CAMK1D: variants seen among roughly 807,000 people sequenced by gnomAD.
CAMK1D encodes calcium/calmodulin dependent protein kinase ID.
Under a neutral mutation model 47.7 loss-of-function variants are expected in CAMK1D, and 9 were observed. The observed-to-expected ratio is 0.19, with a 90% CI of 0.11 to 0.33. The LOEUF (loss-of-function observed/expected upper bound fraction) is 0.33. CAMK1D is among the 10% of genes least tolerant of loss of function. The pLI is 1.00. For synonymous variants in CAMK1D, 184 were observed against 184.9 expected, an observed-to-expected ratio of 0.99 and a Z score of 0.04; for missense variants, 291 against 488.7, an observed-to-expected ratio of 0.60 and a Z score of 3.81.
intron 1 of CAMK1D, among the ~76,000 whole-genome samples, chr10:12,525,827 C>T (rs373049421): frequency 4.3e-4 from 66 of 152,192 alleles, no homozygotes; most frequent in African/African-American, 1.4e-3. Context: ...GCGTGATCTC[C>T]GCTCAGTACA....
intron 2 of CAMK1D, among the ~76,000 whole-genome samples, chr10:12,581,296 C>T (rs1364826994): frequency 6.6e-6 from 1 of 152,150 alleles, no homozygotes; most frequent in African/African-American, 2.4e-5. Flanking sequence ...GATTGATGGG[C>T]ATTTGAGCTG....
At chr10:12,373,851 G>T (rs1564299708) in intron 1 of CAMK1D, among the ~76,000 whole-genome samples, 1 of 150,478 alleles carries the variant, frequency 6.6e-6, no homozygotes, top group Non-Finnish European at 1.5e-5. Flanking sequence ...GAGGCAGGCG[G>T]ATCACTGGAG....
Position 12,549,293 on chromosome 10 carries a change from G to C in CAMK1D, c.93-3932G>C, listed in dbSNP as rs529602503. Reference sequence around the variant, plus strand: ...AATTTGATGACTTTGGACACCTCCTGTAAGTAGAATCATACGGTATTTGGC... The same window carrying C: ...AATTTGATGACTTTGGACACCTCCTCTAAGTAGAATCATACGGTATTTGGC... On this transcript the variant is annotated intron_variant, in intron 1 of 10. Coordinates refer to ENST00000619168, the MANE Select transcript of CAMK1D (RefSeq NM_153498.4). 6.6e-5 allele frequency among the ~76,000 whole-genome samples: 10 copies of C among 152,338 alleles called. No individual in the cohort carries two copies. In the South Asian group the frequency reaches 2.1e-3, roughly 32 times the overall value.
chr10:12,721,202 T>C (rs1193278774), intron 3 of CAMK1D, among the ~76,000 whole-genome samples: 3 of 152,258 alleles, frequency 2.0e-5, no homozygotes, highest in Non-Finnish European at 4.4e-5. Context: ...TTATATCCTG[T>C]CGTGGTTCCC....
At chr10:12,733,627 A>G (rs1042218608) in intron 3 of CAMK1D, among the ~76,000 whole-genome samples, 8 of 152,230 alleles carry the variant, frequency 5.3e-5, no homozygotes, top group African/African-American at 1.9e-4. Context: ...GTAGTGTTCT[A>G]GAAACATCAG....
chr10:12,506,664 G>T (rs575583065), intron 1 of CAMK1D, among the ~76,000 whole-genome samples: 1 of 152,152 alleles, frequency 6.6e-6, no homozygotes, highest in African/African-American at 2.4e-5. Context: ...GACTACAGGC[G>T]TCCGCCACCA....
intron 1 of CAMK1D, among the ~76,000 whole-genome samples, chr10:12,522,701 T>C (rs1835463219): frequency 1.3e-5 from 2 of 151,854 alleles, no homozygotes; most frequent in African/African-American, 2.4e-5. Flanking sequence ...CCGTTCTCAA[T>C]GAGCTGTTGG....
chr10:12,595,068 G>A (rs553578862), intron 2 of CAMK1D, among the ~76,000 whole-genome samples: 1 of 152,148 alleles, frequency 6.6e-6, no homozygotes, highest in South Asian at 2.1e-4. Flanking sequence ...GAGACCAGGT[G>A]TGGTGCCTCA....
intron 2 of CAMK1D, among the ~76,000 whole-genome samples, chr10:12,616,133 TG>T (rs1335149054): frequency 6.6e-6 from 1 of 151,970 alleles, no homozygotes; most frequent in East Asian, 1.9e-4. Flanking sequence ...TATATGTAGG[TG>T]TGTGTATAAA....
At chr10:12,635,787 T>TAA (rs45437992) in intron 2 of CAMK1D, among the ~76,000 whole-genome samples, 2 of 151,830 alleles carry the variant, frequency 1.3e-5, no homozygotes, top group African/African-American at 4.8e-5. Flanking sequence ...CCTTCCCTTC[T>TAA]AAAAAAAATG....
At chr10:12,460,628 C>T (rs1182441310) in intron 1 of CAMK1D, among the ~76,000 whole-genome samples, 1 of 152,162 alleles carries the variant, frequency 6.6e-6, no homozygotes, top group African/African-American at 2.4e-5. Flanking sequence ...TGGGGTCTCA[C>T]TTTGTTGACT....
chr10:12,509,341 C>T (rs1206846792), intron 1 of CAMK1D, among the ~76,000 whole-genome samples: 1 of 152,210 alleles, frequency 6.6e-6, no homozygotes, highest in Non-Finnish European at 1.5e-5. Flanking sequence ...CATCATTCCA[C>T]GAGCTGGTCT....
At chr10:12,439,465 T>G (rs1327824349) in intron 1 of CAMK1D, among the ~76,000 whole-genome samples, 2 of 152,192 alleles carry the variant, frequency 1.3e-5, no homozygotes, top group East Asian at 3.8e-4. Flanking sequence ...TGCATGTTAT[T>G]GTTTGCCTGC....
intron 3 of CAMK1D, among the ~76,000 whole-genome samples, chr10:12,670,343 G>C (rs1007442679): frequency 6.6e-6 from 1 of 151,956 alleles, no homozygotes; most frequent in African/African-American, 2.4e-5. Context: ...TGTCTGTTCA[G>C]ATCTTTCGCT....
At chr10:12,589,929 G>A (rs998304077) in intron 2 of CAMK1D, among the ~76,000 whole-genome samples, 13 of 152,128 alleles carry the variant, frequency 8.5e-5, no homozygotes, top group African/African-American at 3.1e-4. Context: ...ACCTGCTAGG[G>A]TAACTCTGAT....
Position 12,832,165 on chromosome 10 carries a change from T to G in CAMK1D, c.*3278T>G, listed in dbSNP as rs1185246526. 1 of 152,532 alleles carries G rather than the reference T, an allele frequency of 6.6e-6. No homozygotes were observed. Among genetic ancestry groups the G allele is most frequent in the East Asian group, 1.9e-4 (1 of 5,204 alleles). 9.4% of individuals were successfully genotyped at this position (152,532 alleles called of 1,614,324 possible). A position where few individuals can be genotyped will look rare whatever the true frequency, so the allele number is the denominator to read the frequency against. ...GGCCTGGAGTGGCCTTTCCCTCAGC[T>G]GCCTGTCTGGGCTCCCTGGCTTCCC... On this transcript the variant is annotated 3_prime_UTR_variant, in exon 11 of 11. Coordinates refer to ENST00000619168, the MANE Select transcript of CAMK1D (RefSeq NM_153498.4).
intron 8 of CAMK1D, among the ~76,000 whole-genome samples, chr10:12,819,057 T>C (rs1309791418): frequency 6.6e-6 from 1 of 152,200 alleles, no homozygotes. Flanking sequence ...CTAGTGCTTG[T>C]TGGTAATCCA....
intron 1 of CAMK1D, among the ~76,000 whole-genome samples, chr10:12,442,426 A>G (rs1832810050): frequency 6.6e-6 from 1 of 152,320 alleles, no homozygotes; most frequent in South Asian, 2.1e-4. Flanking sequence ...GCTTGCTCTG[A>G]GCTGAGATTG....
chr10:12,620,599 C>T (rs1357918390), intron 2 of CAMK1D, among the ~76,000 whole-genome samples: 1 of 152,202 alleles, frequency 6.6e-6, no homozygotes, highest in Non-Finnish European at 1.5e-5. Flanking sequence ...GTCTTTTGCT[C>T]ATGTTCTATC....
Sources: allele counts gnomAD v4.1 joint callset (sites outside exome capture counted in the v4.1 genomes callset), GRCh38; gene constraint gnomAD v4.1.1; transcripts MANE v1.5; gene names NCBI Gene and HGNC (gene_info 2026-07-23, HGNC 2026-07-21).